SOX21: variants seen among roughly 807,000 people sequenced by gnomAD.
SOX21 encodes SRY-box transcription factor 21, also known as transcription factor SOX-21.
For missense variants in SOX21, 370 were observed against 388.8 expected, an observed-to-expected ratio of 0.95 and a Z score of 0.41; for synonymous variants, 237 against 189.7, an observed-to-expected ratio of 1.25 and a Z score of -2.05.
rs1875190991 is a variant in SOX21, at chr13:94,710,044, A to G, written c.*1175T>C. The G allele has an allele frequency of 6.6e-6, 1 of 152,250 alleles. No homozygotes were observed. Among genetic ancestry groups the G allele is most frequent in the African/African-American group, 2.4e-5 (1 of 41,470 alleles). 9.4% of individuals were successfully genotyped at this position (152,250 alleles called of 1,614,324 possible). On this transcript the variant is annotated 3_prime_UTR_variant, in exon 1 of 1. Coordinates refer to ENST00000376945, the MANE Select transcript of SOX21 (RefSeq NM_007084.4). ...GGGAGAGAAATGCTAGCTGAAAATG[A>G]GAGACATCTGTTGAAACAATTCTGT...
chr13:94,710,937 A>C lies in SOX21; in HGVS notation c.*282T>G, dbSNP rs1594514829. Reference sequence around the variant, plus strand: ...GCAACAGGTTCCGAAGTGCAAAGCAAACGCCAACTGCTGCCGCACACAACC... The same window carrying C: ...GCAACAGGTTCCGAAGTGCAAAGCACACGCCAACTGCTGCCGCACACAACC... On this transcript the variant is annotated 3_prime_UTR_variant, in exon 1 of 1. Transcript: ENST00000376945. 3.0e-6 allele frequency: 1 copy of C among 330,378 alleles called. No individual in the cohort carries two copies. The highest frequency in any genetic ancestry group is 2.1e-5 in the African/African-American group (1 of 46,960). 20.5% of individuals were successfully genotyped at this position (330,378 alleles called of 1,614,324 possible).
Position 94,711,277 on chromosome 13 carries a change from G to T in SOX21, c.773C>A (p.Pro258Gln). 1 of 1,384,168 alleles carries T rather than the reference G, an allele frequency of 7.2e-7. No individual in the cohort carries two copies. The highest frequency in any genetic ancestry group is 9.3e-7 in the Non-Finnish European group (1 of 1,073,900). 85.7% of individuals were successfully genotyped at this position (1,384,168 alleles called of 1,614,324 possible). Reference sequence around the variant, plus strand: ...GTCCAGCTGGGGCTTGCCCATGCCCGGCAGCAGGATGTAGGCGAGCGGCGG... The same window carrying T: ...GTCCAGCTGGGGCTTGCCCATGCCCTGCAGCAGGATGTAGGCGAGCGGCGG... Reference protein sequence around the residue: ...LQPPLAYILLPGMGKPQLDPY... With the variant: ...LQPPLAYILLQGMGKPQLDPY... The change falls in exon 1 of 1, where the codon CCG (proline) becomes CAG (glutamine). Residue 258 changes from proline to glutamine, a missense_variant. Physicochemically the swap from Pro to Gln is moderately conservative, Grantham distance 76. Transcript: ENST00000376945.
chr13:94,711,132 G>C lies in SOX21; in HGVS notation c.*87C>G. ...ACATACAAACCGGGCCCCCGGTCGC[G>C]GGAGGGCGCACGGGGAGGCCGCAGC... On this transcript the variant is annotated 3_prime_UTR_variant, in exon 1 of 1. Transcript: ENST00000376945. 1 of 1,179,138 alleles carries C rather than the reference G, an allele frequency of 8.5e-7. No individual in the cohort carries two copies. 73.0% of individuals were successfully genotyped at this position (1,179,138 alleles called of 1,614,324 possible).
chr13:94,711,162 G>A lies in SOX21; in HGVS notation c.*57C>T. On this transcript the variant is annotated 3_prime_UTR_variant, in exon 1 of 1. Transcript: ENST00000376945. ...GGCGCACGGGGAGGCCGCAGCGCTC[G>A]TACCTATACATATGTACACGTGTGC... The A allele has an allele frequency of 8.1e-7, 1 of 1,237,562 alleles. No homozygotes were observed. The highest frequency in any genetic ancestry group is 3.6e-5 in the South Asian group (1 of 27,796). The allele number at this position is 1,237,562 out of a possible 1,614,324, so 76.7% of individuals were successfully genotyped here.
chr13:94,712,080 G>GCCGCCCGGGC lies in SOX21; in HGVS notation c.-32_-31insGCCCGGGCGG. On this transcript the variant is annotated 5_prime_UTR_variant, in exon 1 of 1. Coordinates refer to ENST00000376945, the MANE Select transcript of SOX21 (RefSeq NM_007084.4). This position sits in a 1 kb window ranked among gnomAD's most constrained non-coding sequence, Gnocchi z 5.0. ...CGCCCTGCCGCGGCTGCAGCCCGCC[G>GCCGCCCGGGC]CCTCCCGGGCCCTCGCCCTCGGCCC... is the stretch of plus-strand genomic sequence containing the variant. 1 of 1,600,412 alleles carries GCCGCCCGGGC rather than the reference G, an allele frequency of 6.2e-7. No homozygotes were observed. Among genetic ancestry groups the GCCGCCCGGGC allele is most frequent in the Non-Finnish European group, 8.5e-7 (1 of 1,173,198 alleles).
rs1172060362 is a variant in SOX21, at chr13:94,712,257, G to T, written c.-208C>A. 1.6e-6 allele frequency: 2 copies of T among 1,220,418 alleles called. No homozygotes were observed. The highest frequency in any genetic ancestry group is 6.8e-5 in the South Asian group (2 of 29,308). 75.6% of individuals were successfully genotyped at this position (1,220,418 alleles called of 1,614,324 possible). A position where few individuals can be genotyped will look rare whatever the true frequency, so the allele number is the denominator to read the frequency against. On this transcript the variant is annotated 5_prime_UTR_variant, in exon 1 of 1. Transcript: ENST00000376945. This position sits in a 1 kb window ranked among gnomAD's most constrained non-coding sequence, Gnocchi z 5.0. ...GCCGCCTTAGTGTCTCCGGCCGAGC[G>T]CTCGAGCAGGTTGTCTCTGGGACAC...
chr13:94,711,021 G>A lies in SOX21; in HGVS notation c.*198C>T. On this transcript the variant is annotated 3_prime_UTR_variant, in exon 1 of 1. Coordinates refer to ENST00000376945, the MANE Select transcript of SOX21 (RefSeq NM_007084.4). ...CTGAAATGATCCTGCGAATTCACAGGCCTGCTCGCCCGCGCCCTTGCGCGC... is the reference window on the plus strand; with the variant it reads ...CTGAAATGATCCTGCGAATTCACAGACCTGCTCGCCCGCGCCCTTGCGCGC... The A allele has an allele frequency of 2.3e-6, 1 of 436,934 alleles. No homozygotes were observed. Among genetic ancestry groups the A allele is most frequent in the Non-Finnish European group, 3.8e-6 (1 of 263,852 alleles). 27.1% of individuals were successfully genotyped at this position (436,934 alleles called of 1,614,324 possible). A position where few individuals can be genotyped will look rare whatever the true frequency, so the allele number is the denominator to read the frequency against.
Position 94,711,043 on chromosome 13 carries a change from G to A in SOX21, c.*176C>T, listed in dbSNP as rs1164531412. ...CAGGCCTGCTCGCCCGCGCCCTTGC[G>A]CGCTTGGCCACTCCTGCCCCGCCTG... is the stretch of plus-strand genomic sequence containing the variant. On this transcript the variant is annotated 3_prime_UTR_variant, in exon 1 of 1. Coordinates refer to ENST00000376945, the MANE Select transcript of SOX21 (RefSeq NM_007084.4). The A allele has an allele frequency of 5.6e-6, 3 of 539,078 alleles. No homozygotes were observed. The highest frequency in any genetic ancestry group is 2.0e-4 in the South Asian group (2 of 10,120). The allele number at this position is 539,078 out of a possible 1,614,324, so 33.4% of individuals were successfully genotyped here. A position where few individuals can be genotyped will look rare whatever the true frequency, so the allele number is the denominator to read the frequency against.
chr13:94,711,657 G>A lies in SOX21; in HGVS notation c.393C>T (p.Leu131=), dbSNP rs1156456803. Residue 131 remains leucine, a synonymous_variant, in exon 1 of 1, where the codon CTC becomes CTT. Coordinates refer to ENST00000376945, the MANE Select transcript of SOX21 (RefSeq NM_007084.4). ...CCGCGGCCGCCTTCTCGGGATTGGC[G>A]AGCAGCGACTCAGGCACCAGGCCGC... ...AGGGLVPESL[L]ANPEKAAAAA... is the part of the protein sequence containing the mutation. The A allele has an allele frequency of 9.7e-6, 14 of 1,437,322 alleles. No individual in the cohort carries two copies. Among genetic ancestry groups the A allele is most frequent in the South Asian group, 2.9e-5 (2 of 70,130 alleles). 89.0% of individuals were successfully genotyped at this position (1,437,322 alleles called of 1,614,324 possible).
rs1326624990 is a variant in SOX21 at position 94,711,227 on chromosome 13, C to T, written c.823G>A (p.Ala275Thr). 3 of 1,350,282 alleles carry T rather than the reference C, an allele frequency of 2.2e-6. No homozygotes were observed. Among genetic ancestry groups the T allele is most frequent in the Non-Finnish European group, 2.8e-6 (3 of 1,056,922 alleles). The allele number at this position is 1,350,282 out of a possible 1,614,324, so 83.6% of individuals were successfully genotyped here. A position where few individuals can be genotyped will look rare whatever the true frequency, so the allele number is the denominator to read the frequency against. The change falls in exon 1 of 1, where the codon GCG (alanine) becomes ACG (threonine). Residue 275 changes from alanine to threonine, a missense_variant. Physicochemically the swap from Ala to Thr is moderately conservative, Grantham distance 58. Transcript: ENST00000376945. The part of the protein sequence containing the change: ...LDPYPAAYAA[A>T]L ...GAGGCGGCCCCGCGGGGTCATAGCG[C>T]GGCAGCGTAGGCCGCGGGGTAGGGG...
Position 94,712,400 on chromosome 13 carries a change from AG to A in SOX21, c.-352del. The A allele has an allele frequency of 9.8e-7, 1 of 1,023,076 alleles. No homozygotes were observed. The highest frequency in any genetic ancestry group is 1.2e-6 in the Non-Finnish European group (1 of 856,530). 63.4% of individuals were successfully genotyped at this position (1,023,076 alleles called of 1,614,324 possible). ...TCCCCGCAGGTAGCGGCGGCCGGGC[AG>A]AGCGCTCCTCCTCCTCGGTCGTTCT... On this transcript the variant is annotated 5_prime_UTR_variant, in exon 1 of 1. Coordinates refer to ENST00000376945, the MANE Select transcript of SOX21 (RefSeq NM_007084.4). This position sits in a 1 kb window ranked among gnomAD's most constrained non-coding sequence, Gnocchi z 5.0.
Position 94,711,552 on chromosome 13 carries a change from CGCGGCGGCGGCGGCGGCGGCAGCG to C in SOX21, c.474_497del (p.Ala159_Ala166del). ...GGTCGAGCAGCGAGTAGGGGCTGCCCGCGGCGGCGGCGGCGGCGGCAGCGGCGGCGGCAGCGGCCGACTGCGGGA... is the reference window on the plus strand; with the variant it reads ...GGTCGAGCAGCGAGTAGGGGCTGCCCGCGGCGGCAGCGGCCGACTGCGGGA... On this transcript the variant is annotated inframe_deletion, in exon 1 of 1. Coordinates refer to ENST00000376945, the MANE Select transcript of SOX21 (RefSeq NM_007084.4). The C allele has an allele frequency of 2.1e-6, 2 of 961,606 alleles. No individual in the cohort carries two copies. The highest frequency in any genetic ancestry group is 2.5e-6 in the Non-Finnish European group (2 of 801,488). The allele number at this position is 961,606 out of a possible 1,614,324, so 59.6% of individuals were successfully genotyped here. A position where few individuals can be genotyped will look rare whatever the true frequency, so the allele number is the denominator to read the frequency against.
Position 94,711,828 on chromosome 13 carries a change from G to A in SOX21, c.222C>T (p.Asp74=). 3 of 1,613,960 alleles carry A rather than the reference G, an allele frequency of 1.9e-6. No individual in the cohort carries two copies. Among genetic ancestry groups the A allele is most frequent in the Non-Finnish European group, 2.5e-6 (3 of 1,179,936 alleles). ...GCTTGCGCCGCGGCCGGTACTTGTAGTCGGGGTGCTCCTTCATGTGCATGG... is the reference window on the plus strand; with the variant it reads ...GCTTGCGCCGCGGCCGGTACTTGTAATCGGGGTGCTCCTTCATGTGCATGG... ...LRAMHMKEHP[D]YKYRPRRKPK... Residue 74 remains aspartate, a synonymous_variant, in exon 1 of 1, where the codon GAC becomes GAT. Transcript: ENST00000376945.
At position 94,709,717 on chromosome 13, in the gene SOX21, A is replaced by G. The variant is rs867121141; in HGVS notation, c.*1502T>C. The stretch of plus-strand genomic sequence containing the variant: ...ATTCTAATTTACAGATATACCTTAG[A>G]CGTCTAATATTAAATTAGAAGGTCA... On this transcript the variant is annotated 3_prime_UTR_variant, in exon 1 of 1. Coordinates refer to ENST00000376945, the MANE Select transcript of SOX21 (RefSeq NM_007084.4). The G allele has an allele frequency of 3.3e-5, 5 of 152,654 alleles. No individual in the cohort carries two copies. The highest frequency in any genetic ancestry group is 1.2e-4 in the African/African-American group (5 of 41,458). The allele number at this position is 152,654 out of a possible 1,614,324, so 9.5% of individuals were successfully genotyped here.
chr13:94,711,749 C>G lies in SOX21; in HGVS notation c.301G>C (p.Gly101Arg), dbSNP rs780470732. 5 of 1,612,326 alleles carry G rather than the reference C, an allele frequency of 3.1e-6. No individual in the cohort carries two copies. The South Asian group carries it at 5.5e-5, about 18-fold the overall frequency. ...KFAFPVPYGLGGVADAEHPAL... is the reference protein window; with the variant it reads ...KFAFPVPYGLRGVADAEHPAL... ...GGGTGCTCGGCGTCCGCCACGCCGCCCAGGCCGTAGGGCACCGGGAAGGCG... is the reference window on the plus strand; with the variant it reads ...GGGTGCTCGGCGTCCGCCACGCCGCGCAGGCCGTAGGGCACCGGGAAGGCG... The change falls in exon 1 of 1, where the codon GGC (glycine) becomes CGC (arginine). Residue 101 changes from glycine (G) to arginine (R), a missense_variant. Transcript: ENST00000376945.
Position 94,712,151 on chromosome 13 carries a change from C to A in SOX21, c.-102G>T. The A allele has an allele frequency of 7.1e-7, 1 of 1,418,228 alleles. No individual in the cohort carries two copies. Among genetic ancestry groups the A allele is most frequent in the South Asian group, 1.5e-5 (1 of 65,192 alleles). 87.9% of individuals were successfully genotyped at this position (1,418,228 alleles called of 1,614,324 possible). A position where few individuals can be genotyped will look rare whatever the true frequency, so the allele number is the denominator to read the frequency against. ...GCCCGCGGAGACCCGCTCGGCCGGC[C>A]GGGGCTCGTCGCGCCCCGGCGTCGC... On this transcript the variant is annotated 5_prime_UTR_variant, in exon 1 of 1. Coordinates refer to ENST00000376945, the MANE Select transcript of SOX21 (RefSeq NM_007084.4). The surrounding 1 kb of genome is among the most constrained non-coding windows in gnomAD (Gnocchi z 5.0).
In SOX21 at chr13:94,709,938, A is replaced by G. The variant is rs1875188423; in HGVS notation, c.*1281T>C. 6.6e-6 allele frequency: 1 copy of G among 152,222 alleles called. No homozygotes were observed. The highest frequency in any genetic ancestry group is 1.5e-5 in the Non-Finnish European group (1 of 68,028). 9.4% of individuals were successfully genotyped at this position (152,222 alleles called of 1,614,324 possible). The stretch of plus-strand genomic sequence containing the variant: ...TTTTTCTAAAATGTGTTTTATTGCA[A>G]TTTGCAAATGAATTGCAGGTGATCT... On this transcript the variant is annotated 3_prime_UTR_variant, in exon 1 of 1. Coordinates refer to ENST00000376945, the MANE Select transcript of SOX21 (RefSeq NM_007084.4).
chr13:94,712,083 T>G lies in SOX21; in HGVS notation c.-34A>C, dbSNP rs2253604. 0.81 allele frequency: 1,293,100 copies of G among 1,598,762 alleles called. 525,980 individuals are homozygous for G. The highest frequency in any genetic ancestry group is 0.97 in the African/African-American group (71,737 of 74,316). On this transcript the variant is annotated 5_prime_UTR_variant, in exon 1 of 1. Coordinates refer to ENST00000376945, the MANE Select transcript of SOX21 (RefSeq NM_007084.4). The surrounding 1 kb of genome is among the most constrained non-coding windows in gnomAD (Gnocchi z 5.0). Reference sequence around the variant, plus strand: ...CCTGCCGCGGCTGCAGCCCGCCGCCTCCCGGGCCCTCGCCCTCGGCCCGGA... The same window carrying G: ...CCTGCCGCGGCTGCAGCCCGCCGCCGCCCGGGCCCTCGCCCTCGGCCCGGA...
In SOX21 at chr13:94,712,183, C is replaced by T; in HGVS notation, c.-134G>A. The T allele has an allele frequency of 7.2e-7, 1 of 1,380,886 alleles. No individual in the cohort carries two copies. Among genetic ancestry groups the T allele is most frequent in the Non-Finnish European group, 9.3e-7 (1 of 1,073,666 alleles). The allele number at this position is 1,380,886 out of a possible 1,614,324, so 85.5% of individuals were successfully genotyped here. A position where few individuals can be genotyped will look rare whatever the true frequency, so the allele number is the denominator to read the frequency against. Reference sequence around the variant, plus strand: ...CGTCGCGCCCCGGCGTCGCTCCCGCCCCGGAGGAGGGGGCTGGGGGACCAG... The same window carrying T: ...CGTCGCGCCCCGGCGTCGCTCCCGCTCCGGAGGAGGGGGCTGGGGGACCAG... On this transcript the variant is annotated 5_prime_UTR_variant, in exon 1 of 1. Coordinates refer to ENST00000376945, the MANE Select transcript of SOX21 (RefSeq NM_007084.4). The surrounding 1 kb of genome is among the most constrained non-coding windows in gnomAD (Gnocchi z 5.0).
Sources: gnomAD v4.1 joint callset for allele counts on GRCh38, gnomAD v4.1.1 for gene constraint, Gnocchi (gnomAD v3.1) non-coding constraint, MANE v1.5 for transcripts, NCBI Gene and HGNC (gene_info 2026-07-23, HGNC 2026-07-21) for gene names.